PPP1R12A: variants seen among roughly 807,000 people sequenced by gnomAD.
PPP1R12A encodes protein phosphatase 1 regulatory subunit 12A, also known as myosin binding subunit.
A neutral mutation model predicts 139.6 loss-of-function variants in PPP1R12A; 19 were observed. The observed-to-expected ratio is 0.14, with a 90% CI of 0.09 to 0.20. The LOEUF is 0.20. Among genes scored for constraint, PPP1R12A ranks in the 10% least tolerant of loss-of-function variants. PPP1R12A has a pLI of 1.00. For missense variants in PPP1R12A, 925 were observed against 1,211.5 expected, an observed-to-expected ratio of 0.76 and a Z score of 3.51; for synonymous variants, 427 against 420.6, an observed-to-expected ratio of 1.02 and a Z score of -0.19.
chr12:79,892,400 AAC>A (rs1267453239), intron 1 of PPP1R12A, among the ~76,000 whole-genome samples: 1 of 152,200 alleles, frequency 6.6e-6, no homozygotes, highest in East Asian at 1.9e-4. Context: ...TATACAAAAC[AAC>A]AGTCTAACCA....
intron 18 of PPP1R12A, among the ~76,000 whole-genome samples, chr12:79,794,175 A>AC (rs1872229718): frequency 6.6e-6 from 1 of 152,054 alleles, no homozygotes; most frequent in African/African-American, 2.4e-5. Flanking sequence ...TATAAAGTAT[A>AC]TGTTTAACTT....
Position 79,788,794 on chromosome 12 carries a change from T to TA in PPP1R12A, c.2667-12_2667-11insT, listed in dbSNP as rs1350590398. The TA allele has an allele frequency of 6.4e-7, 1 of 1,568,514 alleles. No individual in the cohort carries two copies. Among genetic ancestry groups the TA allele is most frequent in the South Asian group, 1.2e-5 (1 of 85,876 alleles). ...GAACTGGTTTCATATCTTCAAAAGA[T>TA]TAATTTAAATAAAAAACCTTGTTAT... On this transcript the variant is annotated splice_polypyrimidine_tract_variant and intron_variant, in intron 20 of 24. Coordinates refer to ENST00000450142, the MANE Select transcript of PPP1R12A (RefSeq NM_002480.3).
rs1886473789 is a variant in PPP1R12A, at chr12:79,910,413, G to A, written c.237+24282C>T. 7.2e-5 allele frequency among the ~76,000 whole-genome samples: 11 copies of A among 152,128 alleles called. No homozygotes were observed. The South Asian group carries it at 2.3e-3, about 32-fold the overall frequency. ...AAGAATTGCTTGAACCTGGGAGGTG[G>A]GAGGTTGCAGTGAGCCGAGACGGCG... On this transcript the variant is annotated intron_variant, in intron 1 of 24. Transcript: ENST00000450142.
At chr12:79,934,115 C>T (rs143070714) in intron 1 of PPP1R12A, among the ~76,000 whole-genome samples, 4 of 152,260 alleles carry the variant, frequency 2.6e-5, no homozygotes, top group Middle Eastern at 3.4e-3. Flanking sequence ...TTTTCCCCTC[C>T]CCAGTGACCA....
At chr12:79,916,827 T>G (rs545920976) in intron 1 of PPP1R12A, among the ~76,000 whole-genome samples, 35 of 152,270 alleles carry the variant, frequency 2.3e-4, no homozygotes, top group African/African-American at 7.7e-4. Flanking sequence ...ATTAGTTATA[T>G]CAATGTTTCT....
intron 1 of PPP1R12A, among the ~76,000 whole-genome samples, chr12:79,931,970 A>G (rs752821330): frequency 2.2e-4 from 33 of 152,220 alleles, no homozygotes; most frequent in Non-Finnish European, 1.0e-4. Context: ...TAAACCTTTA[A>G]ATATAAGCTC....
chr12:79,846,868 CAACAATATAGAACTACTTGTAGTTCT>C (rs1336961596), intron 2 of PPP1R12A, among the ~76,000 whole-genome samples: 2 of 152,004 alleles, frequency 1.3e-5, no homozygotes, highest in African/African-American at 4.8e-5. Context: ...CTTTAGGCAC[CAACAATATAGAACTACTTGTAGTTCT>C]AAATTAAACC....
chr12:79,856,216 C>A (rs1161194289), intron 2 of PPP1R12A, among the ~76,000 whole-genome samples: 1 of 152,174 alleles, frequency 6.6e-6, no homozygotes, highest in Non-Finnish European at 1.5e-5. Flanking sequence ...GCCTGGCATA[C>A]AAATCCTTTA....
At chr12:79,853,674 C>T (rs1009301263) in intron 2 of PPP1R12A, among the ~76,000 whole-genome samples, 3 of 152,102 alleles carry the variant, frequency 2.0e-5, no homozygotes, top group African/African-American at 7.2e-5. Context: ...TCAATTTTTC[C>T]CTAGAGAATT....
chr12:79,809,801 T>A lies in PPP1R12A; in HGVS notation c.1449A>T (p.Lys483Asn). The A allele has an allele frequency of 6.2e-7, 1 of 1,609,362 alleles. No individual in the cohort carries two copies. The highest frequency in any genetic ancestry group is 8.5e-7 in the Non-Finnish European group (1 of 1,176,520). The stretch of plus-strand genomic sequence containing the variant: ...AGACTGTGAAATAGATTACCTTTTC[T>A]TTATTATCCAAAGAGGAGGAAAGTC... ...SPRLSSSLDN[K>N]EKEKDSKGTR... Residue 483 changes from lysine to asparagine, a missense_variant, in exon 10 of 25, where the codon AAA (lysine) becomes AAT (asparagine). Physicochemically the swap from Lys to Asn is moderately conservative, Grantham distance 94. Around this residue, in one of 4 missense-constraint regions of PPP1R12A, gnomAD observed 403 missense variants for 463.7 expected, o/e 0.87. Transcript: ENST00000450142.
intron 11 of PPP1R12A, among the ~76,000 whole-genome samples, chr12:79,807,944 G>C (rs1874054772): frequency 6.6e-6 from 1 of 151,904 alleles, no homozygotes; most frequent in East Asian, 1.9e-4. Context: ...GGCTGAGGCA[G>C]AGAACTACTT....
chr12:79,827,245 A>C (rs1459006850), intron 5 of PPP1R12A, among the ~76,000 whole-genome samples: 3 of 151,976 alleles, frequency 2.0e-5, no homozygotes, highest in Non-Finnish European at 2.9e-5. Context: ...CATTCCCCCA[A>C]ATTTTTTTAC....
intron 9 of PPP1R12A, among the ~76,000 whole-genome samples, chr12:79,810,463 C>T (rs1248412321): frequency 6.6e-6 from 1 of 152,162 alleles, no homozygotes; most frequent in East Asian, 1.9e-4. Context: ...CTCCATGATG[C>T]AGGATCTACT....
chr12:79,890,948 C>CACACAT (rs1389959828), intron 1 of PPP1R12A, among the ~76,000 whole-genome samples: 1 of 145,300 alleles, frequency 6.9e-6, no homozygotes, highest in Non-Finnish European at 1.5e-5. Flanking sequence ...CACACATTCA[C>CACACAT]TCACTCTCTC....
At chr12:79,818,627 CTAG>C (rs1875702609) in intron 8 of PPP1R12A, among the ~76,000 whole-genome samples, 1 of 152,096 alleles carries the variant, frequency 6.6e-6, no homozygotes, top group East Asian at 1.9e-4. Flanking sequence ...CAAAAAAGTC[CTAG>C]AAGAAAGAAC....
intron 21 of PPP1R12A, 43 bp downstream of exon 21, chr12:79,788,605 A>G: frequency 6.6e-7 from 1 of 1,516,100 alleles, no homozygotes; most frequent in Non-Finnish European, 8.9e-7. Flanking sequence ...ATCTCAACAT[A>G]AAAGATAACT....
Position 79,807,220 on chromosome 12 carries a change from T to C in PPP1R12A, c.1655+6A>G. On this transcript the variant is annotated splice_donor_region_variant and intron_variant, in intron 12 of 24. Transcript: ENST00000450142. ...CATAAAAACCGCTTAAGAATAGTAT[T>C]ATTACCTTTTATGATACGTTGATCC... 1 of 1,471,544 alleles carries C rather than the reference T, an allele frequency of 6.8e-7. No homozygotes were observed. The highest frequency in any genetic ancestry group is 9.2e-7 in the Non-Finnish European group (1 of 1,082,094). The allele number at this position is 1,471,544 out of a possible 1,614,324, so 91.2% of individuals were successfully genotyped here.
At chr12:79,837,819 G>C (rs1267263416) in intron 3 of PPP1R12A, among the ~76,000 whole-genome samples, 1 of 152,130 alleles carries the variant, frequency 6.6e-6, no homozygotes, top group African/African-American at 2.4e-5. Flanking sequence ...CACTATGATT[G>C]TAAGTTTCCT....
intron 9 of PPP1R12A, among the ~76,000 whole-genome samples, chr12:79,811,734 T>C (rs1268784100): frequency 6.6e-6 from 1 of 152,024 alleles, no homozygotes; most frequent in Non-Finnish European, 1.5e-5. Flanking sequence ...GGACAATGAC[T>C]TTTTTTTATT....
Sources: gnomAD v4.1 joint callset for allele counts (sites outside exome capture counted in the v4.1 genomes callset) on GRCh38, gnomAD v4.1.1 for gene constraint, gnomAD v4.1.1 regional missense constraint, MANE v1.5 for transcripts, NCBI Gene and HGNC (gene_info 2026-07-23, HGNC 2026-07-21) for gene names.